Variants in ATP11A observed in about 807,000 individuals in gnomAD.
ATP11A encodes the protein ATPase phospholipid transporting 11A, also known as phospholipid-transporting ATPase IH.
A neutral mutation model predicts 154.4 loss-of-function variants in ATP11A; 81 were observed. The ratio of observed to expected loss-of-function variants is 0.52; its 90% CI spans 0.44 to 0.63. The LOEUF is 0.63. Among genes scored for constraint, ATP11A ranks in the 30% least tolerant of loss-of-function variants. The pLI is 0.00. For missense variants in ATP11A, 1,316 were observed against 1,474.3 expected (o/e 0.89, Z 1.76); for synonymous variants, 623 against 585.9 (o/e 1.06, Z -0.91).
intron 1 of ATP11A, among the ~76,000 whole-genome samples, chr13:112,734,046 C>T (rs989711028): frequency 6.6e-6 from 1 of 152,106 alleles, no homozygotes; most frequent in Non-Finnish European, 1.5e-5. Flanking sequence ...ACTTAGTTAT[C>T]GAGAAAATGA....
intron 1 of ATP11A, among the ~76,000 whole-genome samples, chr13:112,763,809 G>A (rs1309861980): frequency 2.6e-5 from 4 of 152,120 alleles, no homozygotes; most frequent in Non-Finnish European, 5.9e-5. Flanking sequence ...CCCCTGCTTG[G>A]AGATGTTGCA....
At chr13:112,771,538 TA>T (rs2077225442) in intron 1 of ATP11A, among the ~76,000 whole-genome samples, 1 of 152,228 alleles carries the variant, frequency 6.6e-6, no homozygotes, top group African/African-American at 2.4e-5. Flanking sequence ...TTCTTAGGCA[TA>T]CTCCTTTGGA....
At chr13:112,723,473 TGTCG>T (rs1358451902) in intron 1 of ATP11A, among the ~76,000 whole-genome samples, 4 of 149,340 alleles carry the variant, frequency 2.7e-5, no homozygotes, top group African/African-American at 9.9e-5. Context: ...GGTTTCACAA[TGTCG>T]GCCAGGCTGG....
intron 2 of ATP11A, among the ~76,000 whole-genome samples, chr13:112,792,746 C>G (rs1278949616): frequency 1.3e-5 from 2 of 152,182 alleles, no homozygotes; most frequent in Non-Finnish European, 2.9e-5. Flanking sequence ...CTCCCCCAGG[C>G]CTGCTTGCAC....
intron 20 of ATP11A, chr13:112,856,606 A>G (rs929627402): frequency 1.3e-5 from 2 of 152,422 alleles, no homozygotes; most frequent in African/African-American, 2.4e-5. Flanking sequence ...TCACGCGGCC[A>G]TGTTCTTGTG....
At position 112,838,206 on chromosome 13, in the gene ATP11A, C is replaced by A. The variant is rs1195599965; in HGVS notation, c.1705+1955C>A. Among the ~76,000 whole-genome samples, 1 of 152,146 alleles carries A rather than the reference C, an allele frequency of 6.6e-6. No individual in the cohort carries two copies. The highest frequency in any genetic ancestry group is 2.1e-4 in the South Asian group (1 of 4,826). On this transcript the variant is annotated intron_variant, in intron 16 of 29. Coordinates refer to ENST00000375645, the MANE Select transcript of ATP11A (RefSeq NM_015205.3). This position sits in a 1 kb window ranked among gnomAD's most constrained non-coding sequence, Gnocchi z 7.3. ...TTCTGTGTGTCAGAACCCTTCCCCC[C>A]GGCTCGGATGAGGCGCAGTCCTGAG...
chr13:112,835,514 C>T (rs1004145737), intron 15 of ATP11A, among the ~76,000 whole-genome samples: 2 of 152,334 alleles, frequency 1.3e-5, no homozygotes, highest in Non-Finnish European at 1.5e-5. Context: ...CGTTGAGGCT[C>T]CGGGTTTGCA....
In ATP11A at chr13:112,746,342, C is replaced by T. The variant is rs557973879; in HGVS notation, c.40-38793C>T. ...GGTTCCCCACGTCCTCACCGGGTAACTGGGGTTCCGGCTCCCCACGTCCTC... is the reference window on the plus strand; with the variant it reads ...GGTTCCCCACGTCCTCACCGGGTAATTGGGGTTCCGGCTCCCCACGTCCTC... On this transcript the variant is annotated intron_variant, in intron 1 of 29. Coordinates refer to ENST00000375645, the MANE Select transcript of ATP11A (RefSeq NM_015205.3). The surrounding 1 kb of genome is among the most constrained non-coding windows in gnomAD (Gnocchi z 4.1). 2 of 151,838 alleles carry T rather than the reference C, an allele frequency of 1.3e-5. No homozygotes were observed. The highest frequency in any genetic ancestry group is 4.8e-5 in the African/African-American group (2 of 41,300). The allele number at this position is 151,838 out of a possible 1,614,324, so 9.4% of individuals were successfully genotyped here.
At chr13:112,837,426 C>T (rs1056160446) in intron 16 of ATP11A, among the ~76,000 whole-genome samples, 4 of 152,362 alleles carry the variant, frequency 2.6e-5, no homozygotes, top group Middle Eastern at 3.4e-3. Context: ...TGTCCGTCTG[C>T]AGCCACTGGC....
At chr13:112,806,362 C>G in intron 4 of ATP11A, 69 bp downstream of exon 4, 3 of 1,261,820 alleles carry the variant, frequency 2.4e-6, no homozygotes, top group Non-Finnish European at 3.4e-6. Flanking sequence ...TCATTCAAAG[C>G]GAGGTGATTG....
chr13:112,795,245 A>AAAAT (rs1166713984), intron 2 of ATP11A, among the ~76,000 whole-genome samples: 1 of 152,240 alleles, frequency 6.6e-6, no homozygotes, highest in Non-Finnish European at 1.5e-5. Flanking sequence ...ACTTCATCTC[A>AAAAT]AAATAAATAA....
At chr13:112,817,827 T>C (rs894745912) in intron 6 of ATP11A, among the ~76,000 whole-genome samples, 29 of 152,258 alleles carry the variant, frequency 1.9e-4, no homozygotes, top group African/African-American at 4.8e-4. Flanking sequence ...TTGTGCATTT[T>C]GTTTAGCTTG....
chr13:112,873,313 G>A (rs1409092511), intron 26 of ATP11A: 1 of 455,376 alleles, frequency 2.2e-6, no homozygotes, highest in Non-Finnish European at 3.9e-6. Context: ...TGAACAGTGT[G>A]AGGTGTGGCT....
At chr13:112,787,666 C>T (rs1379816104) in intron 2 of ATP11A, among the ~76,000 whole-genome samples, 12 of 144,946 alleles carry the variant, frequency 8.3e-5, no homozygotes, top group African/African-American at 2.8e-4. Flanking sequence ...CCTGTGGATA[C>T]CTACTTAATT....
In ATP11A at chr13:112,880,314, G is replaced by A. The variant is rs1014937646; in HGVS notation, c.*10-1562G>A. Reference sequence around the variant, plus strand: ...TGCATGGCCCGTCCCTGAGCCTGTCGCTGTCTCAGTTCTGGGCTCGGGCCC... The same window carrying A: ...TGCATGGCCCGTCCCTGAGCCTGTCACTGTCTCAGTTCTGGGCTCGGGCCC... On this transcript the variant is annotated intron_variant, in intron 29 of 29. Coordinates refer to ENST00000375645, the MANE Select transcript of ATP11A (RefSeq NM_015205.3). 6 of 185,814 alleles carry A rather than the reference G, an allele frequency of 3.2e-5. No homozygotes were observed. In the East Asian group the frequency reaches 5.0e-4, roughly 16 times the overall value. 11.5% of individuals were successfully genotyped at this position (185,814 alleles called of 1,614,324 possible).
intron 8 of ATP11A, among the ~76,000 whole-genome samples, chr13:112,822,815 T>C (rs1209960683): frequency 6.6e-6 from 1 of 152,098 alleles, no homozygotes; most frequent in Admixed American, 6.5e-5. Context: ...CACCCCTCTT[T>C]AGCCTTTCCA....
intron 1 of ATP11A, among the ~76,000 whole-genome samples, chr13:112,757,237 A>G (rs942151104): frequency 6.6e-6 from 1 of 152,270 alleles, no homozygotes; most frequent in African/African-American, 2.4e-5. Flanking sequence ...TGCTCATGGC[A>G]GAACAAAGAC....
At chr13:112,757,116 A>G (rs1366337864) in intron 1 of ATP11A, among the ~76,000 whole-genome samples, 2 of 152,158 alleles carry the variant, frequency 1.3e-5, no homozygotes, top group Non-Finnish European at 2.9e-5. Context: ...TGCTGCTACA[A>G]TCTGTAGTGT....
intron 13 of ATP11A, 51 bp downstream of exon 13, chr13:112,831,599 T>C (rs767617466): frequency 6.3e-7 from 1 of 1,586,770 alleles, no homozygotes; most frequent in Non-Finnish European, 8.6e-7. Flanking sequence ...TGGGCGGCTG[T>C]GCATGCTGAG....
Sources: gnomAD v4.1 joint callset for allele counts (sites outside exome capture counted in the v4.1 genomes callset) on GRCh38, gnomAD v4.1.1 for gene constraint, Gnocchi (gnomAD v3.1) non-coding constraint, MANE v1.5 for transcripts, NCBI Gene and HGNC (gene_info 2026-07-23, HGNC 2026-07-21) for gene names.